SOX5: variants seen among roughly 807,000 people sequenced by gnomAD.
SOX5 encodes the protein transcription factor SOX-5.
SOX5 carries 9 observed loss-of-function variants against 92.0 expected under a neutral mutation model. That is an observed-to-expected ratio of 0.10 (90% CI 0.06 to 0.17). SOX5 has a LOEUF of 0.17. Ranked by LOEUF, SOX5 falls within the 10% of genes least tolerant of loss-of-function variation. The pLI is 1.00. For missense variants in SOX5, 642 were observed against 944.5 expected, an observed-to-expected ratio of 0.68 and a Z score of 4.20; for synonymous variants, 344 against 336.3, an observed-to-expected ratio of 1.02 and a Z score of -0.25.
chr12:23,793,035 G>T (rs1470152728), intron 3 of SOX5, among the ~76,000 whole-genome samples: 1 of 152,068 alleles, frequency 6.6e-6, no homozygotes, highest in African/African-American at 2.4e-5. Flanking sequence ...GATAAAACCT[G>T]GAAAATAGAG....
chr12:24,136,990 C>G (rs1288541917), intron 4 of SOX5, among the ~76,000 whole-genome samples: 1 of 152,186 alleles, frequency 6.6e-6, no homozygotes, highest in Admixed American at 6.5e-5. Flanking sequence ...AAATATCACT[C>G]ACTCCTGAAC....
chr12:24,525,186 T>A (rs746700481), intron 1 of SOX5, among the ~76,000 whole-genome samples: 1 of 152,200 alleles, frequency 6.6e-6, no homozygotes, highest in South Asian at 2.1e-4. Flanking sequence ...AAAAGTGATA[T>A]ATACATACAA....
intron 4 of SOX5, among the ~76,000 whole-genome samples, chr12:24,109,332 A>G (rs551319034): frequency 1.3e-5 from 2 of 152,280 alleles, no homozygotes; most frequent in South Asian, 4.1e-4. Context: ...TAATTGGTAA[A>G]AATCCTTTTC....
chr12:23,923,812 G>GA (rs909511560), intron 1 of SOX5, among the ~76,000 whole-genome samples: 26 of 152,042 alleles, frequency 1.7e-4, no homozygotes, highest in African/African-American at 6.3e-4. Flanking sequence ...TGCTAAATCT[G>GA]AAATGTCCTT....
intron 1 of SOX5, among the ~76,000 whole-genome samples, chr12:24,477,236 C>T (rs554995823): frequency 2.0e-5 from 3 of 151,690 alleles, no homozygotes; most frequent in Admixed American, 6.6e-5. Flanking sequence ...TGGGCTCGAG[C>T]GATTCTCCTG....
chr12:23,906,752 T>C lies in SOX5; in HGVS notation c.39-10728A>G, dbSNP rs188554016. Among the ~76,000 whole-genome samples, 55 of 152,318 alleles carry C rather than the reference T, an allele frequency of 3.6e-4. No homozygotes were observed. In the South Asian group the frequency reaches 8.3e-3, roughly 23 times the overall value. Reference sequence around the variant, plus strand: ...GTACTAAAAAGCAAAGCCCCATATTTAATATAAGTACAATTTTTCTGACCC... The same window carrying C: ...GTACTAAAAAGCAAAGCCCCATATTCAATATAAGTACAATTTTTCTGACCC... On this transcript the variant is annotated intron_variant, in intron 1 of 14. Transcript: ENST00000451604.
At chr12:23,962,146 C>T (rs541648922) in intron 4 of SOX5, among the ~76,000 whole-genome samples, 4 of 151,956 alleles carry the variant, frequency 2.6e-5, no homozygotes, top group Non-Finnish European at 5.9e-5. Context: ...GTATAAAAGA[C>T]TGTGTGAGAA....
At chr12:23,612,366 A>G (rs2076069879) in intron 8 of SOX5, among the ~76,000 whole-genome samples, 1 of 152,130 alleles carries the variant, frequency 6.6e-6, no homozygotes, top group Admixed American at 6.6e-5. Context: ...TCACCCCAAG[A>G]GTTTAAGTAG....
intron 4 of SOX5, among the ~76,000 whole-genome samples, chr12:24,209,154 G>A (rs1197207927): frequency 6.6e-6 from 1 of 152,170 alleles, no homozygotes; most frequent in Non-Finnish European, 1.5e-5. Flanking sequence ...AGAAGTTGAA[G>A]GTACTGGAGA....
chr12:23,871,992 TC>T (rs1163520343), intron 2 of SOX5, among the ~76,000 whole-genome samples: 1 of 149,882 alleles, frequency 6.7e-6, no homozygotes, highest in Admixed American at 6.6e-5. Flanking sequence ...TTACATTTAT[TC>T]TTTTTTTTTT....
At chr12:23,735,547 G>A (rs1039397736) in intron 5 of SOX5, among the ~76,000 whole-genome samples, 1 of 152,056 alleles carries the variant, frequency 6.6e-6, no homozygotes, top group Non-Finnish European at 1.5e-5. Flanking sequence ...ATTCTCTGAG[G>A]CTCAATTTTA....
At chr12:23,876,998 T>A (rs2096934564) in intron 2 of SOX5, among the ~76,000 whole-genome samples, 1 of 151,620 alleles carries the variant, frequency 6.6e-6, no homozygotes, top group Non-Finnish European at 1.5e-5. Context: ...CTTTTGGGGG[T>A]CAGGGGCAAG....
At chr12:24,525,310 G>A (rs1412191336) in intron 1 of SOX5, among the ~76,000 whole-genome samples, 1 of 152,176 alleles carries the variant, frequency 6.6e-6, no homozygotes, top group Non-Finnish European at 1.5e-5. Flanking sequence ...ATGAGTTCAT[G>A]TAAATAAGAT....
chr12:23,693,123 A>G (rs961093071), intron 6 of SOX5, among the ~76,000 whole-genome samples: 3 of 151,266 alleles, frequency 2.0e-5, no homozygotes, highest in South Asian at 2.1e-4. Flanking sequence ...TTATTTTATT[A>G]TTGTTGTTGT....
At chr12:24,155,996 CT>C (rs1487732496) in intron 4 of SOX5, among the ~76,000 whole-genome samples, 1 of 152,136 alleles carries the variant, frequency 6.6e-6, no homozygotes, top group Non-Finnish European at 1.5e-5. Context: ...AGACCTGATG[CT>C]CTCTTTAGTG....
At chr12:23,989,380 G>GTC (rs1183674253) in intron 4 of SOX5, among the ~76,000 whole-genome samples, 1 of 150,918 alleles carries the variant, frequency 6.6e-6, no homozygotes, top group Non-Finnish European at 1.5e-5. Flanking sequence ...TGACAAGAGT[G>GTC]AGACCTCATA....
chr12:23,626,889 T>C (rs1392440190), intron 8 of SOX5, among the ~76,000 whole-genome samples: 2 of 152,060 alleles, frequency 1.3e-5, no homozygotes, highest in Admixed American at 6.6e-5. Flanking sequence ...AAGAAGACAC[T>C]GGCAATGACC....
chr12:24,346,753 T>C (rs1036761356), intron 2 of SOX5, among the ~76,000 whole-genome samples: 1 of 152,074 alleles, frequency 6.6e-6, no homozygotes, highest in Non-Finnish European at 1.5e-5. Context: ...GCCTGGCTTT[T>C]TCTTTAATTG....
chr12:24,028,525 T>C (rs745357686), intron 4 of SOX5, among the ~76,000 whole-genome samples: 23 of 152,048 alleles, frequency 1.5e-4, no homozygotes, highest in Admixed American at 9.8e-4. Flanking sequence ...TGAATTTGCA[T>C]GCTACTAGGC....
Sources: allele counts gnomAD v4.1 joint callset (sites outside exome capture counted in the v4.1 genomes callset), GRCh38; gene constraint gnomAD v4.1.1; transcripts MANE v1.5; gene names NCBI Gene and HGNC (gene_info 2026-07-23, HGNC 2026-07-21).